ZNF317: variants seen among roughly 807,000 people sequenced by gnomAD.
The protein encoded by ZNF317 is KRAB-containing zinc finger protein 317.
In ZNF317, 17 loss-of-function variants were observed where a neutral mutation model predicts 23.4. The observed-to-expected ratio is 0.73, with a 90% CI of 0.50 to 1.09. The LOEUF (loss-of-function observed/expected upper bound fraction) is 1.09. Among genes scored for constraint, ZNF317 ranks in the 50% least tolerant of loss-of-function variants. The probability of loss-of-function intolerance (pLI) is 0.00; values close to 1 mark genes in which losing one functional copy is unlikely to be tolerated. For missense variants in ZNF317, 679 were observed against 796.7 expected (o/e 0.85, Z 1.78); for synonymous variants, 317 against 314.9 (o/e 1.01, Z -0.07).
intron 3 of ZNF317, 58 bp from the exon 4 acceptor site, chr19:9,157,210 T>TA (rs1374152281): frequency 1.6e-5 from 26 of 1,594,384 alleles, no homozygotes; most frequent in Non-Finnish European, 2.2e-5. Flanking sequence ...TCAGCCATCT[T>TA]ACCATGAACA....
chr19:9,144,538 G>T, intron 1 of ZNF317, among the ~76,000 whole-genome samples: 1 of 151,564 alleles, frequency 6.6e-6, no homozygotes, highest in South Asian at 2.1e-4. Context: ...TTATTTCAGT[G>T]GTTGTTCTAA....
At position 9,161,054 on chromosome 19, in the gene ZNF317, A is replaced by G; in HGVS notation, c.1409A>G (p.Gln470Arg). The G allele has an allele frequency of 3.7e-6, 6 of 1,614,102 alleles. No homozygotes were observed. Among genetic ancestry groups the G allele is most frequent in the Non-Finnish European group, 5.1e-6 (6 of 1,180,022 alleles). Residue 470 changes from glutamine (Q) to arginine (R), a missense_variant, in exon 7 of 7, where the codon CAA becomes CGA. Physicochemically the swap from Gln to Arg is conservative, Grantham distance 43. Transcript: ENST00000247956. This position sits in a 1 kb window ranked among gnomAD's most constrained non-coding sequence, Gnocchi z 4.0. ...ACCGCACACAGGAAGATACACACGC[A>G]AGAGAGACGCTACGAATGCGCCGCC... ...NLTAHRKIHT[Q>R]ERRYECAACG... is the part of the protein sequence containing the mutation.
chr19:9,140,999 A>G (rs973946372), intron 1 of ZNF317, among the ~76,000 whole-genome samples: 1 of 152,138 alleles, frequency 6.6e-6, no homozygotes, highest in African/African-American at 2.4e-5. Flanking sequence ...TGTTCTTATT[A>G]GCACTTACCT....
intron 1 of ZNF317, among the ~76,000 whole-genome samples, chr19:9,150,813 G>T (rs1324591595): frequency 6.6e-6 from 1 of 152,196 alleles, no homozygotes; most frequent in Non-Finnish European, 1.5e-5. Context: ...GGACAGTACA[G>T]GTGACATAGG....
At chr19:9,144,648 TATATC>T (rs1486341825) in intron 1 of ZNF317, among the ~76,000 whole-genome samples, 4 of 152,226 alleles carry the variant, frequency 2.6e-5, no homozygotes, top group Admixed American at 1.3e-4. Flanking sequence ...TCTTTATTGA[TATATC>T]ATAGTTGCAC....
intron 1 of ZNF317, among the ~76,000 whole-genome samples, chr19:9,144,581 A>G (rs2050666939): frequency 7.1e-6 from 1 of 140,802 alleles, no homozygotes; most frequent in African/African-American, 2.8e-5. Flanking sequence ...CACTAAATCT[A>G]GATTTGCATA....
At chr19:9,145,098 G>T (rs1168081611) in intron 1 of ZNF317, among the ~76,000 whole-genome samples, 3 of 152,024 alleles carry the variant, frequency 2.0e-5, no homozygotes, top group African/African-American at 7.2e-5. Flanking sequence ...AGGCTGGAGT[G>T]CAATGGCGTA....
chr19:9,157,887 A>G, intron 4 of ZNF317, 93 bp from the exon 5 acceptor site: 1 of 1,445,404 alleles, frequency 6.9e-7, no homozygotes. Context: ...CCACCCTCAG[A>G]ACACTGAAGA....
Position 9,160,048 on chromosome 19 carries a change from G to T in ZNF317, c.469-66G>T. On this transcript the variant is annotated intron_variant, in intron 6 of 6. Coordinates refer to ENST00000247956, the MANE Select transcript of ZNF317 (RefSeq NM_020933.5). This position sits in a 1 kb window ranked among gnomAD's most constrained non-coding sequence, Gnocchi z 6.8. Reference sequence around the variant, plus strand: ...ATCTGTTCATAGCAGTGTATGTGGGGATGACGCTTAGGGTTGCAATGAATA... The same window carrying T: ...ATCTGTTCATAGCAGTGTATGTGGGTATGACGCTTAGGGTTGCAATGAATA... The T allele has an allele frequency of 6.3e-7, 1 of 1,594,170 alleles. No homozygotes were observed. Among genetic ancestry groups the T allele is most frequent in the East Asian group, 2.2e-5 (1 of 44,664 alleles).
intron 1 of ZNF317, among the ~76,000 whole-genome samples, chr19:9,145,958 G>T (rs945984013): frequency 1.3e-5 from 2 of 152,002 alleles, no homozygotes; most frequent in African/African-American, 2.4e-5. Flanking sequence ...GGACGCTTAT[G>T]CAGCAGACTA....
intron 6 of ZNF317, among the ~76,000 whole-genome samples, chr19:9,159,359 C>G (rs900010251): frequency 1.3e-5 from 2 of 152,110 alleles, no homozygotes; most frequent in Admixed American, 6.6e-5. Flanking sequence ...TAGGCGTGTG[C>G]CACCACACTT....
chr19:9,161,874 C>A lies in ZNF317; in HGVS notation c.*441C>A. 6.3e-6 allele frequency: 1 copy of A among 159,648 alleles called. No homozygotes were observed. The highest frequency in any genetic ancestry group is 5.9e-5 in the Admixed American group (1 of 16,826). The allele number at this position is 159,648 out of a possible 1,614,324, so 9.9% of individuals were successfully genotyped here. A position where few individuals can be genotyped will look rare whatever the true frequency, so the allele number is the denominator to read the frequency against. ...CCTAGTCTCACTTGATTCCTCATGA[C>A]GGAAATCACACTAAAGAGAGAAATC... On this transcript the variant is annotated 3_prime_UTR_variant, in exon 7 of 7. Transcript: ENST00000247956. The surrounding 1 kb of genome is among the most constrained non-coding windows in gnomAD (Gnocchi z 4.0).
At position 9,156,534 on chromosome 19, in the gene ZNF317, G is replaced by C. The variant is rs189775359; in HGVS notation, c.26-78G>C. On this transcript the variant is annotated intron_variant, in intron 2 of 6. Transcript: ENST00000247956. Reference sequence around the variant, plus strand: ...TGTGAACACTCAGAATCAGTGTGGAGCAGTTTCCTGGTTTACAAGTGTTGT... The same window carrying C: ...TGTGAACACTCAGAATCAGTGTGGACCAGTTTCCTGGTTTACAAGTGTTGT... 2.6e-6 allele frequency: 4 copies of C among 1,532,678 alleles called. No homozygotes were observed. The African/African-American group carries it at 5.5e-5, about 21-fold the overall frequency. The allele number at this position is 1,532,678 out of a possible 1,614,324, so 94.9% of individuals were successfully genotyped here.
chr19:9,152,440 A>G (rs1430626350), intron 1 of ZNF317, among the ~76,000 whole-genome samples: 1 of 152,244 alleles, frequency 6.6e-6, no homozygotes, highest in Non-Finnish European at 1.5e-5. Context: ...CTTCATCTGT[A>G]TTTACAGCGG....
chr19:9,142,172 C>T (rs1487521224), intron 1 of ZNF317, among the ~76,000 whole-genome samples: 1 of 152,122 alleles, frequency 6.6e-6, no homozygotes. Flanking sequence ...TTCTTGGGAA[C>T]TTTGTTTTTT....
chr19:9,156,993 GA>G, intron 3 of ZNF317: 4 of 638,618 alleles, frequency 6.3e-6, no homozygotes, highest in Non-Finnish European at 1.1e-5. Flanking sequence ...GAGACGGGGG[GA>G]AATAAAGGGC....
At chr19:9,159,128 C>G (rs959844282) in intron 6 of ZNF317, among the ~76,000 whole-genome samples, 5 of 152,186 alleles carry the variant, frequency 3.3e-5, no homozygotes, top group African/African-American at 1.2e-4. Flanking sequence ...ATAGCTGTGT[C>G]TCAGATATTG....
chr19:9,152,063 C>T (rs1051006443), intron 1 of ZNF317, among the ~76,000 whole-genome samples: 3 of 152,024 alleles, frequency 2.0e-5, no homozygotes, highest in African/African-American at 7.2e-5. Flanking sequence ...CTCATCACCA[C>T]GCCTGGCTAA....
intron 1 of ZNF317, among the ~76,000 whole-genome samples, chr19:9,141,021 T>C (rs2050624714): frequency 6.6e-6 from 1 of 152,170 alleles, no homozygotes; most frequent in South Asian, 2.1e-4. Context: ...GAGTACCTTT[T>C]ATATTTTTAA....
Sources: gnomAD v4.1 joint callset for allele counts (sites outside exome capture counted in the v4.1 genomes callset) on GRCh38, gnomAD v4.1.1 for gene constraint, Gnocchi (gnomAD v3.1) non-coding constraint, MANE v1.5 for transcripts, NCBI Gene and HGNC (gene_info 2026-07-23, HGNC 2026-07-21) for gene names.